Variants in NHERF2 observed in about 807,000 individuals in gnomAD.
NHERF2 encodes Na(+)/H(+) exchange regulatory cofactor NHE-RF2.
At chr16:2,029,864 G>A in the NHERF2 span, 2 of 1,259,340 alleles carry the variant, frequency 1.6e-6, no homozygotes, top group African/African-American at 1.5e-5. Flanking sequence ...TTTGCCTTTG[G>A]TCACCTCCAG....
the NHERF2 span, chr16:2,027,313 C>A: frequency 1.5e-6 from 1 of 679,882 alleles, no homozygotes; most frequent in Non-Finnish European, 2.0e-6. Flanking sequence ...AGGGGGCTCC[C>A]GCGGGGAGGA....
chr16:2,030,645 A>G, the NHERF2 span, among the ~76,000 whole-genome samples: 1 of 144,414 alleles, frequency 6.9e-6, no homozygotes, highest in East Asian at 2.0e-4. Context: ...TTTCATTTTC[A>G]AAGAGAACCC....
chr16:2,026,931 G>C, the NHERF2 span: 1 of 528,850 alleles, frequency 1.9e-6, no homozygotes, highest in African/African-American at 2.1e-5. Context: ...AGCCACCGCC[G>C]GGTGCCCAGC....
chr16:2,034,387 C>G, the NHERF2 span, among the ~76,000 whole-genome samples: 69 of 68,210 alleles, frequency 1.0e-3, 2 homozygotes, highest in South Asian at 7.2e-3. Flanking sequence ...CGCCTTCCCT[C>G]CGTCCCAGGC....
the NHERF2 span, chr16:2,027,202 G>A: frequency 2.1e-6 from 3 of 1,415,732 alleles, no homozygotes; most frequent in Admixed American, 2.6e-5. Flanking sequence ...AACGTGGAGG[G>A]CGAGACGCAC....
chr16:2,037,593 A>T, the NHERF2 span: 1 of 1,612,714 alleles, frequency 6.2e-7, no homozygotes, highest in East Asian at 2.2e-5. Context: ...TCCGACAAGG[A>T]CACTGAGGTA....
chr16:2,035,704 G>GC, the NHERF2 span: 1 of 985,286 alleles, frequency 1.0e-6, no homozygotes. Flanking sequence ...GTAACATGGG[G>GC]CAGGGCCTGG....
the NHERF2 span, chr16:2,036,310 C>G: frequency 6.3e-7 from 1 of 1,597,866 alleles, no homozygotes; most frequent in Non-Finnish European, 8.5e-7. Context: ...TGACCCTGTC[C>G]GTTGGGCCTG....
At chr16:2,038,039 C>G in the NHERF2 span, 24 of 1,593,772 alleles carry the variant, frequency 1.5e-5, no homozygotes, top group Non-Finnish European at 2.1e-5. Context: ...GACCTTGGGC[C>G]TCAGCCTGCC....
the NHERF2 span, among the ~76,000 whole-genome samples, chr16:2,027,624 T>C: frequency 1.3e-5 from 2 of 152,190 alleles, no homozygotes; most frequent in African/African-American, 4.8e-5. Flanking sequence ...GGGTCAGCCA[T>C]GTGTGCATGC....
the NHERF2 span, chr16:2,038,128 C>G: frequency 3.9e-6 from 4 of 1,022,280 alleles, no homozygotes; most frequent in Non-Finnish European, 4.3e-6. Flanking sequence ...GGTGAGCCCC[C>G]ATCCTGCCCC....
the NHERF2 span, chr16:2,035,364 G>A: frequency 1.1e-6 from 1 of 948,788 alleles, no homozygotes; most frequent in Non-Finnish European, 1.2e-6. Context: ...CCTGAGGTCT[G>A]AGCGCCCCCT....
the NHERF2 span, among the ~76,000 whole-genome samples, chr16:2,034,354 C>T: frequency 6.9e-6 from 1 of 144,782 alleles, no homozygotes; most frequent in African/African-American, 2.6e-5. Context: ...CACCTCCCCT[C>T]CCGAACTGGA....
At chr16:2,037,647 G>A in the NHERF2 span, 1 of 1,598,264 alleles carries the variant, frequency 6.3e-7, no homozygotes, top group Non-Finnish European at 8.5e-7. Flanking sequence ...GTTGCTAGAG[G>A]CCTTGGGGTA....
the NHERF2 span, chr16:2,029,894 C>CT: frequency 1.1e-6 from 1 of 901,666 alleles, no homozygotes; most frequent in South Asian, 1.6e-5. Context: ...TCTCTTCTGC[C>CT]TTTTGGGGCT....
chr16:2,037,639 T>G, the NHERF2 span: 1 of 1,603,604 alleles, frequency 6.2e-7, no homozygotes, highest in Non-Finnish European at 8.5e-7. Context: ...CACGTGGGGT[T>G]GCTAGAGGCC....
chr16:2,036,104 G>C, the NHERF2 span: 2 of 522,112 alleles, frequency 3.8e-6, no homozygotes. Context: ...GGCTGGGCCC[G>C]TCGGGGAGGC....
At chr16:2,035,464 C>T in the NHERF2 span, 9 of 985,826 alleles carry the variant, frequency 9.1e-6, no homozygotes, top group Non-Finnish European at 1.1e-5. Context: ...GCCCTGGCAG[C>T]CCCCAGCCCG....
the NHERF2 span, chr16:2,035,705 C>T: frequency 1.0e-6 from 1 of 984,934 alleles, no homozygotes; most frequent in Non-Finnish European, 1.2e-6. Flanking sequence ...TAACATGGGG[C>T]AGGGCCTGGG....
Sources: gnomAD v4.1 joint callset for allele counts (sites outside exome capture counted in the v4.1 genomes callset) on GRCh38, gnomAD v4.1.1 for gene constraint, MANE v1.5 for transcripts, NCBI Gene and HGNC (gene_info 2026-07-23, HGNC 2026-07-21) for gene names.